The following SLC2A9 variants were observed in gnomAD, a reference collection of about 807,000 sequenced individuals.
The protein encoded by SLC2A9 is solute carrier family 2 member 9.
In SLC2A9, 39 loss-of-function variants were observed where a neutral mutation model predicts 50.6. The observed-to-expected ratio is 0.77, with a 90% CI of 0.60 to 1.01. The LOEUF (loss-of-function observed/expected upper bound fraction) is 1.01, where lower values mean the gene tolerates loss of function less well. SLC2A9 is among the 50% of genes least tolerant of loss of function. The probability of loss-of-function intolerance (pLI) is 0.00; values close to 1 mark genes in which losing one functional copy is unlikely to be tolerated. For missense variants in SLC2A9, 686 were observed against 677.6 expected (o/e 1.01, Z -0.14); for synonymous variants, 324 against 276.9 (o/e 1.17, Z -1.69).
At chr4:9,888,019 C>T (rs557140627) in intron 9 of SLC2A9, among the ~76,000 whole-genome samples, 3 of 149,488 alleles carry the variant, frequency 2.0e-5, no homozygotes, top group South Asian at 2.1e-4. Context: ...ACACAAGAAC[C>T]GAAAACCAAA....
At chr4:9,942,146 C>A in intron 5 of SLC2A9, 101 bp from the exon 6 acceptor site, 1 of 1,423,632 alleles carries the variant, frequency 7.0e-7, no homozygotes. Context: ...GAAGGTCTTC[C>A]TGCCCAGCAT....
At chr4:9,956,134 CT>C (rs1751234727) in intron 5 of SLC2A9, among the ~76,000 whole-genome samples, 1 of 151,798 alleles carries the variant, frequency 6.6e-6, no homozygotes, top group Admixed American at 6.6e-5. Context: ...CTGCCTCGGC[CT>C]CCCAAAATGC....
At chr4:10,025,896 G>T (rs767050290), upstream of SLC2A9, 59 of 1,612,696 alleles carry the variant, frequency 3.7e-5, no homozygotes, top group Non-Finnish European at 4.9e-5. Context: ...AAAAAAAAAA[G>T]GACTGACCAA....
Position 9,972,260 on chromosome 4 carries a change from C to T in SLC2A9, c.681+8332G>A, listed in dbSNP as rs146760627. The stretch of plus-strand genomic sequence containing the variant: ...AAATGTTCTTCTGAGCATATAAAAT[C>T]GTTCCTTTACGGCCTCACATCATTC... On this transcript the variant is annotated intron_variant, in intron 5 of 11. Coordinates refer to ENST00000264784, the MANE Select transcript of SLC2A9 (RefSeq NM_020041.3). Among the ~76,000 whole-genome samples, 187 of 152,240 alleles carry T rather than the reference C, an allele frequency of 1.2e-3. 2 individuals are homozygous for T. The East Asian group carries it at 0.026, about 21-fold the overall frequency.
chr4:9,838,013 T>C (rs1397202979), intron 10 of SLC2A9, among the ~76,000 whole-genome samples: 1 of 152,198 alleles, frequency 6.6e-6, no homozygotes, highest in Non-Finnish European at 1.5e-5. Context: ...CTGGGGATAT[T>C]TGTGAGCATG....
intron 2 of SLC2A9, 66 bp from the exon 3 acceptor site, chr4:9,997,007 G>T: frequency 6.3e-7 from 1 of 1,589,670 alleles, no homozygotes; most frequent in Non-Finnish European, 8.6e-7. Context: ...GCAAGCCAGT[G>T]TACAAAACAA....
chr4:9,943,902 G>T (rs186261707), intron 5 of SLC2A9, among the ~76,000 whole-genome samples: 294 of 152,262 alleles, frequency 1.9e-3, no homozygotes, highest in African/African-American at 6.8e-3. Context: ...CCGCACAGCC[G>T]CCAGCCCCAC....
At chr4:9,857,798 C>G (rs1174365769) in intron 10 of SLC2A9, among the ~76,000 whole-genome samples, 1 of 152,216 alleles carries the variant, frequency 6.6e-6, no homozygotes, top group African/African-American at 2.4e-5. Flanking sequence ...GGATCACCCC[C>G]CAAACAGACT....
At chr4:9,870,657 C>A (rs114323925) in intron 10 of SLC2A9, among the ~76,000 whole-genome samples, 1 of 152,158 alleles carries the variant, frequency 6.6e-6, no homozygotes, top group Non-Finnish European at 1.5e-5. Context: ...CCATAGGCTG[C>A]GGGAAAGTGA....
Position 9,885,116 on chromosome 4 carries a change from T to C in SLC2A9, c.1291+2451A>G, listed in dbSNP as rs187259195. Among the ~76,000 whole-genome samples the C allele has an allele frequency of 1.2e-3, 184 of 152,282 alleles. 1 individual carries two copies. The highest frequency in any genetic ancestry group is 4.2e-3 in the African/African-American group (175 of 41,560). ...TGTCGATAAGTACAGCAAACCACCATGGCACACATTTACCTATGTAACAAA... is the reference window on the plus strand; with the variant it reads ...TGTCGATAAGTACAGCAAACCACCACGGCACACATTTACCTATGTAACAAA... On this transcript the variant is annotated intron_variant, in intron 10 of 11. Coordinates refer to ENST00000264784, the MANE Select transcript of SLC2A9 (RefSeq NM_020041.3).
chr4:9,883,305 G>A (rs572793973), intron 10 of SLC2A9, among the ~76,000 whole-genome samples: 12 of 152,330 alleles, frequency 7.9e-5, no homozygotes, highest in African/African-American at 2.9e-4. Context: ...ATGTGAATGT[G>A]CTATGGAAAG....
chr4:10,039,337 T>C (rs1187004043), intron 1 of SLC2A9, among the ~76,000 whole-genome samples: 1 of 152,188 alleles, frequency 6.6e-6, no homozygotes, highest in African/African-American at 2.4e-5. Context: ...AATGAATGAA[T>C]GTCCATCTGT....
downstream of SLC2A9, among the ~76,000 whole-genome samples, chr4:9,779,089 A>G (rs1717963209): frequency 6.6e-6 from 1 of 152,026 alleles, no homozygotes; most frequent in Non-Finnish European, 1.5e-5. Flanking sequence ...TTTCTAAACG[A>G]CTATTATTAA....
intron 8 of SLC2A9, among the ~76,000 whole-genome samples, chr4:9,903,627 C>T (rs947422647): frequency 2.0e-5 from 3 of 152,034 alleles, no homozygotes; most frequent in African/African-American, 7.2e-5. Context: ...ACTTTATTAG[C>T]CTCCTGAGCC....
chr4:9,831,222 T>C (rs1726091450), intron 11 of SLC2A9, among the ~76,000 whole-genome samples: 1 of 152,136 alleles, frequency 6.6e-6, no homozygotes, highest in South Asian at 2.1e-4. Flanking sequence ...GCGTCCCTCC[T>C]GAAATTCATA....
At chr4:10,005,994 C>T (rs970623840) in intron 2 of SLC2A9, among the ~76,000 whole-genome samples, 4 of 152,164 alleles carry the variant, frequency 2.6e-5, no homozygotes, top group Non-Finnish European at 4.4e-5. Flanking sequence ...CAGCACAGTG[C>T]TGGGTCGATA....
intron 2 of SLC2A9, among the ~76,000 whole-genome samples, chr4:10,011,730 G>A (rs377550768): frequency 2.0e-5 from 3 of 152,334 alleles, no homozygotes; most frequent in African/African-American, 7.2e-5. Context: ...ATTGGAGCTA[G>A]TCACTGGAAA....
Position 9,887,585 on chromosome 4 carries a change from A to G in SLC2A9, c.1273T>C (p.Ser425Pro), listed in dbSNP as rs1411195651. 1 of 1,568,496 alleles carries G rather than the reference A, an allele frequency of 6.4e-7. No individual in the cohort carries two copies. Among genetic ancestry groups the G allele is most frequent in the Non-Finnish European group, 8.6e-7 (1 of 1,156,854 alleles). The change falls in exon 10 of 12, where the codon TCT (serine) becomes CCT (proline). Residue 425 changes from serine to proline, a missense_variant. By Grantham distance (74) the Ser-to-Pro change is moderately conservative. Coordinates refer to ENST00000264784, the MANE Select transcript of SLC2A9 (RefSeq NM_020041.3). The stretch of plus-strand genomic sequence containing the variant: ...GCCTTACCTGGCCCACTGCAGAAAG[A>G]GGCGATGATGGCCAGAATGCCCACG... ...SIVGILAIIA[S>P]FCSGPGGIPF...
At chr4:9,891,377 C>G (rs1009259789) in intron 8 of SLC2A9, among the ~76,000 whole-genome samples, 20 of 152,186 alleles carry the variant, frequency 1.3e-4, no homozygotes, top group Non-Finnish European at 2.2e-4. Context: ...AGCCGAATGT[C>G]AGAGACAGGA....
Sources: allele counts gnomAD v4.1 joint callset (sites outside exome capture counted in the v4.1 genomes callset), GRCh38; gene constraint gnomAD v4.1.1; transcripts MANE v1.5; gene names NCBI Gene and HGNC (gene_info 2026-07-23, HGNC 2026-07-21).